The following PRELID2 variants were observed in gnomAD, a reference collection of about 807,000 sequenced individuals.
PRELID2 encodes the protein PRELI domain-containing protein 2.
A neutral mutation model predicts 28.4 loss-of-function variants in PRELID2; 25 were observed. The observed-to-expected ratio is 0.88, with a 90% CI of 0.64 to 1.23. The LOEUF (loss-of-function observed/expected upper bound fraction) is 1.23, where lower values mean the gene tolerates loss of function less well. PRELID2 is among the 50% of genes most tolerant of loss of function. The pLI is 0.00. For missense variants in PRELID2, 201 were observed against 214.4 expected, an observed-to-expected ratio of 0.94 and a Z score of 0.39; for synonymous variants, 76 against 71.6, an observed-to-expected ratio of 1.06 and a Z score of -0.31.
chr5:145,250,716 T>A, the PRELID2 span, among the ~76,000 whole-genome samples: 2 of 152,146 alleles, frequency 1.3e-5, no homozygotes, highest in African/African-American at 4.8e-5. Flanking sequence ...GACATTGGGA[T>A]ATTTTCCATG....
At chr5:145,808,560 A>C (rs1753706389) in intron 4 of PRELID2, among the ~76,000 whole-genome samples, 2 of 152,298 alleles carry the variant, frequency 1.3e-5, no homozygotes, top group South Asian at 4.1e-4. Context: ...ATTCATGAGT[A>C]ATTTCAGTAG....
intron 1 of PRELID2, among the ~76,000 whole-genome samples, chr5:145,590,062 C>T (rs1178556422): frequency 1.3e-5 from 2 of 152,154 alleles, no homozygotes; most frequent in African/African-American, 4.8e-5. Context: ...ACCAGACCTC[C>T]AAATTCCTAC....
chr5:145,701,152 A>G (rs543578437), intron 1 of PRELID2, among the ~76,000 whole-genome samples: 4 of 152,314 alleles, frequency 2.6e-5, no homozygotes, highest in Non-Finnish European at 2.9e-5. Flanking sequence ...GATTCTCCCC[A>G]TTTCACAGAC....
intron 1 of PRELID2, among the ~76,000 whole-genome samples, chr5:145,723,261 G>C (rs150305512): frequency 6.6e-6 from 1 of 152,224 alleles, no homozygotes; most frequent in East Asian, 1.9e-4. Flanking sequence ...TATAAAGTAA[G>C]CACACAAACA....
At chr5:145,323,815 T>C in the PRELID2 span, among the ~76,000 whole-genome samples, 1 of 152,204 alleles carries the variant, frequency 6.6e-6, no homozygotes, top group East Asian at 1.9e-4. Context: ...TATGGCTGCA[T>C]AGTATTCCAT....
intron 1 of PRELID2, among the ~76,000 whole-genome samples, chr5:145,724,600 AATATAT>A (rs59677300): frequency 0.024 from 593 of 24,572 alleles, 15 homozygotes; most frequent in East Asian, 0.042. Flanking sequence ...GAAGTAAATA[AATATAT>A]ATATATATAT....
At chr5:145,361,599 C>T in the PRELID2 span, among the ~76,000 whole-genome samples, 1 of 152,266 alleles carries the variant, frequency 6.6e-6, no homozygotes, top group East Asian at 1.9e-4. Flanking sequence ...AATCTGCACA[C>T]CACAGCTCTG....
At chr5:145,690,149 G>A (rs1056713661) in intron 1 of PRELID2, among the ~76,000 whole-genome samples, 49 of 151,866 alleles carry the variant, frequency 3.2e-4, no homozygotes, top group African/African-American at 1.1e-3. Flanking sequence ...ACCAAACCAC[G>A]CCCGGCTACT....
At chr5:145,246,036 C>T in the PRELID2 span, among the ~76,000 whole-genome samples, 1 of 151,972 alleles carries the variant, frequency 6.6e-6, no homozygotes, top group Non-Finnish European at 1.5e-5. Flanking sequence ...AGATCAACTG[C>T]ACTTACAAGG....
intron 1 of PRELID2, among the ~76,000 whole-genome samples, chr5:145,647,568 A>G (rs1754220072): frequency 6.6e-6 from 1 of 152,198 alleles, no homozygotes; most frequent in Non-Finnish European, 1.5e-5. Flanking sequence ...CCACTGGCAT[A>G]TGGAAAAAAT....
chr5:145,445,290 C>T, the PRELID2 span, among the ~76,000 whole-genome samples: 1 of 152,044 alleles, frequency 6.6e-6, no homozygotes, highest in East Asian at 1.9e-4. Context: ...AAAGGACAGT[C>T]TTCAATAAAC....
At chr5:145,444,994 A>G in the PRELID2 span, among the ~76,000 whole-genome samples, 13 of 152,226 alleles carry the variant, frequency 8.5e-5, no homozygotes, top group Admixed American at 8.5e-4. Context: ...CTATCAAAAT[A>G]CCAATGACAT....
At chr5:145,790,450 T>C (rs555124188) in intron 5 of PRELID2, among the ~76,000 whole-genome samples, 1 of 151,588 alleles carries the variant, frequency 6.6e-6, no homozygotes, top group Admixed American at 6.6e-5. Context: ...AAGTAGAGAG[T>C]AGAATGGTGG....
chr5:145,275,246 G>C, the PRELID2 span, among the ~76,000 whole-genome samples: 1 of 152,070 alleles, frequency 6.6e-6, no homozygotes, highest in Non-Finnish European at 1.5e-5. Flanking sequence ...GCAGATAAAG[G>C]AAGACATGGC....
downstream of PRELID2, among the ~76,000 whole-genome samples, chr5:145,467,539 A>G (rs1158181789): frequency 2.6e-5 from 4 of 152,176 alleles, no homozygotes; most frequent in Non-Finnish European, 2.9e-5. Context: ...ACATTAGCTA[A>G]TATATATTTA....
the PRELID2 span, among the ~76,000 whole-genome samples, chr5:145,457,314 T>C: frequency 1.3e-5 from 2 of 152,186 alleles, no homozygotes; most frequent in African/African-American, 4.8e-5. Flanking sequence ...AATAAAAGTA[T>C]GGAAGCAAAG....
At chr5:145,821,108 TAAC>T (rs1754752686) in intron 2 of PRELID2, among the ~76,000 whole-genome samples, 1 of 148,040 alleles carries the variant, frequency 6.8e-6, no homozygotes, top group Admixed American at 6.9e-5. Context: ...GAGAGACAGT[TAAC>T]AACCGCCTGA....
At chr5:145,830,418 T>C (rs1290408975) in intron 1 of PRELID2, among the ~76,000 whole-genome samples, 1 of 152,254 alleles carries the variant, frequency 6.6e-6, no homozygotes, top group Non-Finnish European at 1.5e-5. Context: ...AGAAGTTCTC[T>C]GAATCCAGCT....
chr5:145,354,837 C>A, the PRELID2 span, among the ~76,000 whole-genome samples: 1 of 152,058 alleles, frequency 6.6e-6, no homozygotes, highest in African/African-American at 2.4e-5. Context: ...ATTAGTGGAA[C>A]CTAATCAACT....
Sources: allele counts gnomAD v4.1 joint callset (sites outside exome capture counted in the v4.1 genomes callset), GRCh38; gene constraint gnomAD v4.1.1; transcripts MANE v1.5; gene names NCBI Gene and HGNC (gene_info 2026-07-23, HGNC 2026-07-21).